Variants in KCNH5 observed in about 807,000 individuals in gnomAD.
KCNH5 encodes voltage-gated delayed rectifier potassium channel KCNH5.
In KCNH5, 46 loss-of-function variants were observed where a neutral mutation model predicts 96.1. That is an observed-to-expected ratio of 0.48 (90% CI 0.38 to 0.61). KCNH5 has a LOEUF of 0.61. Among genes scored for constraint, KCNH5 ranks in the 20% least tolerant of loss-of-function variants. KCNH5 has a pLI of 0.00. For missense variants in KCNH5, 907 were observed against 1,225.8 expected, an observed-to-expected ratio of 0.74 and a Z score of 3.88; for synonymous variants, 439 against 449.8, an observed-to-expected ratio of 0.98 and a Z score of 0.30.
At chr14:63,009,469 C>T (rs545798961) in intron 2 of KCNH5, among the ~76,000 whole-genome samples, 3 of 147,914 alleles carry the variant, frequency 2.0e-5, no homozygotes, top group South Asian at 2.1e-4. Context: ...AATCCGAATG[C>T]GGTTTTTAAA....
intron 7 of KCNH5, among the ~76,000 whole-genome samples, chr14:62,915,932 T>TC (rs1472294706): frequency 2.0e-5 from 3 of 151,226 alleles, no homozygotes; most frequent in Non-Finnish European, 2.9e-5. Context: ...AGCCAGGGTT[T>TC]CTTTTTTTCT....
intron 7 of KCNH5, among the ~76,000 whole-genome samples, chr14:62,923,322 A>G (rs1368453021): frequency 6.6e-6 from 1 of 151,898 alleles, no homozygotes; most frequent in African/African-American, 2.4e-5. Context: ...AAATTGAAGA[A>G]GACACAAATA....
At chr14:62,814,775 T>C (rs1343678477) in intron 8 of KCNH5, among the ~76,000 whole-genome samples, 1 of 49,716 alleles carries the variant, frequency 2.0e-5, no homozygotes, top group Non-Finnish European at 3.8e-5. Context: ...AAAGCGAGAC[T>C]CCATCTCAAA....
intron 1 of KCNH5, among the ~76,000 whole-genome samples, chr14:63,017,825 T>C (rs1228374369): frequency 1.3e-5 from 2 of 151,876 alleles, no homozygotes; most frequent in Non-Finnish European, 2.9e-5. Flanking sequence ...TTTGAACTCA[T>C]ACTCAGGGTA....
rs377569068 is a variant in KCNH5, at chr14:62,788,268, G to A, written c.1823-8344C>T. Among the ~76,000 whole-genome samples the A allele has an allele frequency of 4.6e-5, 7 of 152,282 alleles. No homozygotes were observed. The East Asian group carries it at 1.2e-3, about 25-fold the overall frequency. On this transcript the variant is annotated intron_variant, in intron 9 of 10. Transcript: ENST00000322893. ...ACAGACTTCAGTGGAGGAAGTAACT[G>A]CAGATGTAGAAACGGCAAGACAATT... is the stretch of plus-strand genomic sequence containing the variant.
intron 6 of KCNH5, among the ~76,000 whole-genome samples, chr14:62,979,416 C>CA (rs1890564703): frequency 6.6e-6 from 1 of 151,862 alleles, no homozygotes; most frequent in South Asian, 2.1e-4. Context: ...ACAATGTCTA[C>CA]ACTTAAATTT....
chr14:63,036,389 C>A (rs1400130518), intron 1 of KCNH5, among the ~76,000 whole-genome samples: 1 of 151,872 alleles, frequency 6.6e-6, no homozygotes, highest in African/African-American at 2.4e-5. Flanking sequence ...GACTGATAAT[C>A]TAGTTGGAAA....
chr14:62,868,262 C>T (rs1252257171), intron 7 of KCNH5, among the ~76,000 whole-genome samples: 3 of 152,194 alleles, frequency 2.0e-5, no homozygotes, highest in African/African-American at 7.2e-5. Flanking sequence ...CAGTGTGATT[C>T]CTCTCCTGTG....
At chr14:63,042,699 C>A (rs1891848433) in intron 1 of KCNH5, among the ~76,000 whole-genome samples, 1 of 152,124 alleles carries the variant, frequency 6.6e-6, no homozygotes, top group South Asian at 2.1e-4. Flanking sequence ...TAAACAATTT[C>A]TCAGGATAAA....
At chr14:62,794,098 G>C (rs935608386) in intron 9 of KCNH5, among the ~76,000 whole-genome samples, 2 of 151,762 alleles carry the variant, frequency 1.3e-5, no homozygotes, top group Non-Finnish European at 2.9e-5. Context: ...CTTCCTCATG[G>C]TAAACCAGTC....
chr14:62,734,327 C>T (rs11627747), intron 10 of KCNH5, among the ~76,000 whole-genome samples: 85,053 of 151,966 alleles, frequency 0.56, 24,224 homozygotes, highest in East Asian at 0.69. Flanking sequence ...ACGGGATGCT[C>T]TACTGCTGCT....
chr14:62,915,010 C>G (rs955608019), intron 7 of KCNH5, among the ~76,000 whole-genome samples: 2 of 152,200 alleles, frequency 1.3e-5, no homozygotes, highest in Admixed American at 6.5e-5. Flanking sequence ...TGAGCCAGTG[C>G]CTGGCACAGA....
intron 4 of KCNH5, among the ~76,000 whole-genome samples, chr14:62,997,236 G>A (rs996945430): frequency 6.6e-6 from 1 of 152,166 alleles, no homozygotes; most frequent in Non-Finnish European, 1.5e-5. Flanking sequence ...TGACAACAGG[G>A]ACATAGAGAG....
At chr14:62,801,975 C>T (rs1337682319) in intron 9 of KCNH5, among the ~76,000 whole-genome samples, 1 of 152,072 alleles carries the variant, frequency 6.6e-6, no homozygotes, top group African/African-American at 2.4e-5. Flanking sequence ...GGTTCTGTTG[C>T]CCTTCTGAGA....
At position 63,006,346 on chromosome 14, in the gene KCNH5, TTAA is replaced by T. The variant is rs1369158457; in HGVS notation, c.304+17_304+19del. The T allele has an allele frequency of 1.5e-5, 21 of 1,430,478 alleles. No homozygotes were observed. Among genetic ancestry groups the T allele is most frequent in the Non-Finnish European group, 2.1e-5 (21 of 1,015,666 alleles). 88.6% of individuals were successfully genotyped at this position (1,430,478 alleles called of 1,614,324 possible). ...ATTAATAAAGAGTTGGCACATCTTA[TTAA>T]TAATTGAGATACCTACTGTTTTTCT... On this transcript the variant is annotated intron_variant, in intron 3 of 10. Coordinates refer to ENST00000322893, the MANE Select transcript of KCNH5 (RefSeq NM_139318.5).
At chr14:63,029,710 T>C (rs1891591336) in intron 1 of KCNH5, among the ~76,000 whole-genome samples, 1 of 152,044 alleles carries the variant, frequency 6.6e-6, no homozygotes, top group Admixed American at 6.6e-5. Context: ...CTAAATTAGA[T>C]AGAAATTGCT....
chr14:62,942,212 G>A (rs1276686654), intron 7 of KCNH5, among the ~76,000 whole-genome samples: 1 of 152,024 alleles, frequency 6.6e-6, no homozygotes, highest in East Asian at 1.9e-4. Context: ...GGGCATAAAT[G>A]CACCAATAGA....
chr14:62,957,709 C>A (rs994641935), intron 6 of KCNH5, among the ~76,000 whole-genome samples: 1 of 152,174 alleles, frequency 6.6e-6, no homozygotes, highest in African/African-American at 2.4e-5. Context: ...GGAAGCCAGC[C>A]CAGCTGCCAT....
At position 63,013,762 on chromosome 14, in the gene KCNH5, T is replaced by C. The variant is rs372951333; in HGVS notation, c.197+3069A>G. Reference sequence around the variant, plus strand: ...TCATTTTAGGCTTTTTTTTACTTGATAATATGTTGTTAGTTTTTTCCAGTG... The same window carrying C: ...TCATTTTAGGCTTTTTTTTACTTGACAATATGTTGTTAGTTTTTTCCAGTG... On this transcript the variant is annotated intron_variant, in intron 2 of 10. Transcript: ENST00000322893. 2.0e-5 allele frequency among the ~76,000 whole-genome samples: 3 copies of C among 152,238 alleles called. No homozygotes were observed. The East Asian group carries it at 5.8e-4, about 29-fold the overall frequency.
Sources: gnomAD v4.1 joint callset for allele counts (sites outside exome capture counted in the v4.1 genomes callset) on GRCh38, gnomAD v4.1.1 for gene constraint, MANE v1.5 for transcripts, NCBI Gene and HGNC (gene_info 2026-07-23, HGNC 2026-07-21) for gene names.